Variants in FAM135B observed in about 807,000 individuals in gnomAD.
FAM135B encodes protein FAM135B.
Under a neutral mutation model 127.7 loss-of-function variants are expected in FAM135B, and 43 were observed. The ratio of observed to expected loss-of-function variants is 0.34; its 90% CI spans 0.26 to 0.43. FAM135B has a LOEUF of 0.43. Ranked by LOEUF, FAM135B falls within the 20% of genes least tolerant of loss-of-function variation. The pLI is 1.00. For missense variants in FAM135B, 1,558 were observed against 1,725.6 expected (o/e 0.90, Z 1.72); for synonymous variants, 670 against 665.1 (o/e 1.01, Z -0.11).
At chr8:138,244,965 T>A (rs1170300272) in intron 6 of FAM135B, among the ~76,000 whole-genome samples, 2 of 152,214 alleles carry the variant, frequency 1.3e-5, no homozygotes, top group African/African-American at 4.8e-5. Context: ...TGTGAAAAAC[T>A]GCTTTTCTGG....
chr8:138,344,575 T>G (rs981484624), intron 2 of FAM135B, among the ~76,000 whole-genome samples: 4 of 17,978 alleles, frequency 2.2e-4, no homozygotes, highest in African/African-American at 4.3e-4. Flanking sequence ...CTTTCTTTCT[T>G]TCTTTTTTTT....
chr8:138,287,638 C>T (rs1824799390), intron 3 of FAM135B, among the ~76,000 whole-genome samples: 1 of 152,054 alleles, frequency 6.6e-6, no homozygotes, highest in Non-Finnish European at 1.5e-5. Context: ...CAACTGGCTT[C>T]CCCCAAACAG....
intron 3 of FAM135B, among the ~76,000 whole-genome samples, chr8:138,287,500 T>C (rs942483820): frequency 6.6e-6 from 1 of 150,758 alleles, no homozygotes; most frequent in Non-Finnish European, 1.5e-5. Flanking sequence ...TTCAGCCATG[T>C]GGCTGCTTGG....
At chr8:138,222,622 T>C (rs1292605153) in intron 7 of FAM135B, among the ~76,000 whole-genome samples, 1 of 151,604 alleles carries the variant, frequency 6.6e-6, no homozygotes, top group Admixed American at 6.6e-5. Context: ...AGAATAGTTA[T>C]ATTTAGATGT....
chr8:138,375,940 C>G (rs901064757), intron 1 of FAM135B, among the ~76,000 whole-genome samples: 9 of 152,152 alleles, frequency 5.9e-5, no homozygotes, highest in Non-Finnish European at 1.3e-4. Context: ...GTCACTTACC[C>G]GGTTGTCTGG....
chr8:138,269,930 A>G (rs1044867693), intron 3 of FAM135B, among the ~76,000 whole-genome samples: 5 of 152,246 alleles, frequency 3.3e-5, no homozygotes, highest in African/African-American at 1.2e-4. Context: ...CGGGAAGGAC[A>G]GAAAGTCACC....
chr8:138,238,867 G>A (rs1384766638), intron 7 of FAM135B, among the ~76,000 whole-genome samples: 1 of 152,176 alleles, frequency 6.6e-6, no homozygotes, highest in Non-Finnish European at 1.5e-5. Context: ...GGACTCAAAT[G>A]GAAAATGCAC....
intron 2 of FAM135B, among the ~76,000 whole-genome samples, chr8:138,312,073 C>T (rs1034168088): frequency 6.6e-5 from 10 of 151,966 alleles, no homozygotes; most frequent in East Asian, 3.9e-4. Context: ...CAGCCTCCCA[C>T]GTAGCTGGGA....
chr8:138,329,967 A>G (rs989202475), intron 2 of FAM135B, among the ~76,000 whole-genome samples: 1 of 152,134 alleles, frequency 6.6e-6, no homozygotes, highest in African/African-American at 2.4e-5. Flanking sequence ...TGCTTGATAA[A>G]GTTATGTTGA....
chr8:138,218,527 CCT>C (rs1244095870), intron 7 of FAM135B, among the ~76,000 whole-genome samples: 6 of 152,060 alleles, frequency 3.9e-5, no homozygotes, highest in Admixed American at 6.5e-5. Context: ...TCTCAGATCC[CCT>C]GTTTGCTCCT....
rs577680594 is a variant in FAM135B at position 138,170,449 on chromosome 8, C to T, written c.1104-2400G>A. Among the ~76,000 whole-genome samples the T allele has an allele frequency of 3.4e-4, 52 of 152,058 alleles. No individual in the cohort carries two copies. In the South Asian group the frequency reaches 3.7e-3, roughly 11 times the overall value. Reference sequence around the variant, plus strand: ...GTTGGTCAGGCTGGTCTTGAACTCCCGACCTCAGGTGATCTGCCCACCTAG... The same window carrying T: ...GTTGGTCAGGCTGGTCTTGAACTCCTGACCTCAGGTGATCTGCCCACCTAG... On this transcript the variant is annotated intron_variant, in intron 11 of 19. Coordinates refer to ENST00000395297, the MANE Select transcript of FAM135B (RefSeq NM_015912.4).
intron 3 of FAM135B, among the ~76,000 whole-genome samples, chr8:138,274,519 T>C (rs150831632): frequency 0.028 from 4,222 of 152,270 alleles, 156 homozygotes; most frequent in African/African-American, 0.087. Context: ...TCAGGCACCA[T>C]TGTCATTGAT....
In FAM135B at chr8:138,488,907, C is replaced by T. The variant is rs531390058; in HGVS notation, c.-20+7764G>A. 3.7e-4 allele frequency among the ~76,000 whole-genome samples: 57 copies of T among 152,244 alleles called. 1 individual carries two copies. Among genetic ancestry groups the T allele is most frequent in the African/African-American group, 1.3e-3 (56 of 41,542 alleles). ...GTCTCGAGGTCCTGACCTGGTGATCCGCCCGCCTCAGCCTCCCAAAGTACT... is the reference window on the plus strand; with the variant it reads ...GTCTCGAGGTCCTGACCTGGTGATCTGCCCGCCTCAGCCTCCCAAAGTACT... On this transcript the variant is annotated intron_variant, in intron 1 of 19. Coordinates refer to ENST00000395297, the MANE Select transcript of FAM135B (RefSeq NM_015912.4).
At chr8:138,303,143 T>G (rs1056680637) in intron 3 of FAM135B, among the ~76,000 whole-genome samples, 1 of 152,206 alleles carries the variant, frequency 6.6e-6, no homozygotes, top group Non-Finnish European at 1.5e-5. Context: ...CATGTGTGTT[T>G]ATCGCAGCAC....
intron 2 of FAM135B, among the ~76,000 whole-genome samples, chr8:138,361,318 A>T (rs113382745): frequency 0.014 from 2,094 of 152,218 alleles, 48 homozygotes; most frequent in African/African-American, 0.047. Context: ...ATAGAACGTT[A>T]GGAATTTGGA....
intron 2 of FAM135B, among the ~76,000 whole-genome samples, chr8:138,319,674 G>A (rs914997030): frequency 1.1e-4 from 16 of 152,232 alleles, no homozygotes; most frequent in African/African-American, 3.4e-4. Context: ...ATTTCCCTCT[G>A]TATGACTGGC....
intron 2 of FAM135B, among the ~76,000 whole-genome samples, chr8:138,340,761 T>C (rs1828991909): frequency 6.6e-6 from 1 of 152,142 alleles, no homozygotes; most frequent in Admixed American, 6.5e-5. Context: ...CCCATGCCCC[T>C]GAGGCTCCCT....
chr8:138,245,755 A>G (rs1169822804), intron 6 of FAM135B, among the ~76,000 whole-genome samples: 1 of 152,204 alleles, frequency 6.6e-6, no homozygotes, highest in Non-Finnish European at 1.5e-5. Flanking sequence ...GAACTGAGTA[A>G]CAGGCAGAGG....
At chr8:138,170,311 C>G (rs1199868662) in intron 11 of FAM135B, among the ~76,000 whole-genome samples, 1 of 151,468 alleles carries the variant, frequency 6.6e-6, no homozygotes, top group Non-Finnish European at 1.5e-5. Flanking sequence ...CAACCTCCAC[C>G]TCCTGGGTTC....
Sources: allele counts gnomAD v4.1 joint callset (sites outside exome capture counted in the v4.1 genomes callset), GRCh38; gene constraint gnomAD v4.1.1; transcripts MANE v1.5; gene names NCBI Gene and HGNC (gene_info 2026-07-23, HGNC 2026-07-21).